ROBO1: variants seen among roughly 807,000 people sequenced by gnomAD.
ROBO1 encodes the protein roundabout guidance receptor 1.
Under a neutral mutation model 195.9 loss-of-function variants are expected in ROBO1, and 149 were observed. That is an observed-to-expected ratio of 0.76 (90% CI 0.67 to 0.87). ROBO1 has a LOEUF of 0.87. Among genes scored for constraint, ROBO1 ranks in the 40% least tolerant of loss-of-function variants. The pLI is 0.00. For missense variants in ROBO1, 1,933 were observed against 2,068.3 expected (o/e 0.93, Z 1.27); for synonymous variants, 816 against 733.2 (o/e 1.11, Z -1.82).
At position 78,938,927 on chromosome 3, in the gene ROBO1, C is replaced by T. The variant is rs977409309; in HGVS notation, c.173G>A (p.Gly58Asp). The T allele has an allele frequency of 6.3e-7, 1 of 1,596,482 alleles. No homozygotes were observed. Among genetic ancestry groups the T allele is most frequent in the Non-Finnish European group, 8.5e-7 (1 of 1,171,960 alleles). The change falls in exon 4 of 31, where the codon GGC becomes GAC. Residue 58 changes from glycine to aspartate, a missense_variant and splice_region_variant. This residue lies in a region of ROBO1 where 185 missense variants were observed against 159.5 expected (regional missense o/e 1.16). Coordinates refer to ENST00000464233, the MANE Select transcript of ROBO1 (RefSeq NM_002941.4). Reference sequence around the variant, plus strand: ...AAAATCTTCCTGACGAAGACGGGAGCCTGCAGAAGAATTCACAAAATATCT... The same window carrying T: ...AAAATCTTCCTGACGAAGACGGGAGTCTGCAGAAGAATTCACAAAATATCT... ...DNDDNSLGYT[G>D]SRLRQEDFPP...
At position 79,624,419 on chromosome 3, in the gene ROBO1, T is replaced by C. The variant is rs562749201; in HGVS notation, c.-50-34458A>G. 4.6e-5 allele frequency among the ~76,000 whole-genome samples: 7 copies of C among 152,120 alleles called. No homozygotes were observed. The East Asian group carries it at 1.4e-3, about 29-fold the overall frequency. On this transcript the variant is annotated intron_variant, in intron 1 of 30. Transcript: ENST00000464233. ...CAGATTGGCAAATTGGATACAGATTTAAGACCCATCGGTATGCTGTATTCA... is the reference window on the plus strand; with the variant it reads ...CAGATTGGCAAATTGGATACAGATTCAAGACCCATCGGTATGCTGTATTCA...
chr3:78,778,316 C>T (rs2083567237), intron 4 of ROBO1, among the ~76,000 whole-genome samples: 1 of 151,800 alleles, frequency 6.6e-6, no homozygotes, highest in South Asian at 2.1e-4. Context: ...GTGTCTGTGC[C>T]AGGGTTTGGT....
At chr3:79,557,641 C>T (rs867632004) in intron 2 of ROBO1, among the ~76,000 whole-genome samples, 1 of 150,000 alleles carries the variant, frequency 6.7e-6, no homozygotes, top group African/African-American at 2.5e-5. Flanking sequence ...GGCTGAGGAA[C>T]GAGAATTTCT....
At chr3:79,534,648 G>C in intron 2 of ROBO1, among the ~76,000 whole-genome samples, 1 of 152,208 alleles carries the variant, frequency 6.6e-6, no homozygotes, top group East Asian at 1.9e-4. Context: ...TTTTGGGTGA[G>C]TTTCAAAAGA....
chr3:78,770,722 G>A (rs1172621347), intron 4 of ROBO1, among the ~76,000 whole-genome samples: 2 of 152,056 alleles, frequency 1.3e-5, no homozygotes, highest in Non-Finnish European at 2.9e-5. Context: ...CCAGAATAGT[G>A]TATCCTAGGT....
chr3:79,176,818 T>C (rs1478078717), intron 2 of ROBO1, among the ~76,000 whole-genome samples: 1 of 152,212 alleles, frequency 6.6e-6, no homozygotes, highest in East Asian at 1.9e-4. Context: ...CTACAATATA[T>C]GTTTTAAGAT....
intron 3 of ROBO1, among the ~76,000 whole-genome samples, chr3:79,075,720 G>C (rs1262747033): frequency 6.6e-6 from 1 of 151,802 alleles, no homozygotes; most frequent in African/African-American, 2.4e-5. Flanking sequence ...GGAATTCTGA[G>C]GTTATCTAGA....
At chr3:79,544,541 ATAG>A (rs1559979551) in intron 2 of ROBO1, among the ~76,000 whole-genome samples, 1 of 152,072 alleles carries the variant, frequency 6.6e-6, no homozygotes, top group East Asian at 1.9e-4. Flanking sequence ...TAATACCAGA[ATAG>A]TGGCGGGCAT....
At chr3:78,601,709 G>A (rs889008681) in intron 29 of ROBO1, among the ~76,000 whole-genome samples, 4 of 152,080 alleles carry the variant, frequency 2.6e-5, no homozygotes, top group Non-Finnish European at 5.9e-5. Context: ...ATTCAATATT[G>A]ATAGTCACAA....
rs556169280 is a variant in ROBO1, at chr3:78,851,696, C to T, written c.499+86905G>A. On this transcript the variant is annotated intron_variant, in intron 4 of 30. Transcript: ENST00000464233. ...AATTTTATTAAATTGTACATCAGTA[C>T]TGTCAAGTAACATTTATTGATCCTC... Among the ~76,000 whole-genome samples the T allele has an allele frequency of 2.0e-5, 3 of 152,172 alleles. No individual in the cohort carries two copies. In the South Asian group the frequency reaches 6.2e-4, roughly 32 times the overall value.
chr3:78,990,793 T>A (rs2077219603), intron 3 of ROBO1, among the ~76,000 whole-genome samples: 1 of 152,118 alleles, frequency 6.6e-6, no homozygotes, highest in African/African-American at 2.4e-5. Context: ...CTCATAGAAG[T>A]CCCATCAATA....
chr3:78,955,955 A>G (rs986344590), intron 3 of ROBO1, among the ~76,000 whole-genome samples: 3 of 152,114 alleles, frequency 2.0e-5, no homozygotes, highest in African/African-American at 7.2e-5. Context: ...TTCTCTCCTG[A>G]TATCTTCCTC....
intron 1 of ROBO1, among the ~76,000 whole-genome samples, chr3:79,752,746 C>T (rs141712921): frequency 1.7e-4 from 26 of 152,072 alleles, no homozygotes; most frequent in African/African-American, 3.4e-4. Flanking sequence ...GTAGGGAGTC[C>T]GCTACAAAAT....
intron 4 of ROBO1, among the ~76,000 whole-genome samples, chr3:78,774,282 A>C (rs2083448456): frequency 6.6e-6 from 1 of 152,122 alleles, no homozygotes; most frequent in African/African-American, 2.4e-5. Context: ...AAACTCCTTT[A>C]AATGTTTTAT....
chr3:78,657,011 G>T, intron 18 of ROBO1, 87 bp downstream of exon 18: 1 of 1,262,570 alleles, frequency 7.9e-7, no homozygotes, highest in Non-Finnish European at 1.1e-6. Context: ...ATTAGCAATG[G>T]TGGGTGGCTC....
chr3:78,895,259 T>C (rs2037160763), intron 4 of ROBO1, among the ~76,000 whole-genome samples: 1 of 151,996 alleles, frequency 6.6e-6, no homozygotes, highest in Non-Finnish European at 1.5e-5. Flanking sequence ...ATGTATTATT[T>C]TGGTCAAAGA....
chr3:79,287,598 G>A (rs2031966279), intron 2 of ROBO1, among the ~76,000 whole-genome samples: 1 of 152,064 alleles, frequency 6.6e-6, no homozygotes, highest in South Asian at 2.1e-4. Context: ...TTCCTCTTCT[G>A]TGAATATGAT....
At chr3:79,097,659 G>A (rs755865076) in intron 3 of ROBO1, among the ~76,000 whole-genome samples, 24 of 151,708 alleles carry the variant, frequency 1.6e-4, no homozygotes, top group Non-Finnish European at 2.1e-4. Context: ...GTGAATGAAT[G>A]TTTTCAGTGT....
chr3:78,711,427 CTTTCT>C (rs1559773916), intron 8 of ROBO1, among the ~76,000 whole-genome samples: 11 of 110,778 alleles, frequency 9.9e-5, no homozygotes, highest in African/African-American at 4.0e-4. Flanking sequence ...TTCTTTCTTT[CTTTCT>C]TTCTTTCTTT....
Sources: gnomAD v4.1 joint callset for allele counts (sites outside exome capture counted in the v4.1 genomes callset) on GRCh38, gnomAD v4.1.1 for gene constraint, gnomAD v4.1.1 regional missense constraint, MANE v1.5 for transcripts, NCBI Gene and HGNC (gene_info 2026-07-23, HGNC 2026-07-21) for gene names.